NELL1: variants seen among roughly 807,000 people sequenced by gnomAD.
NELL1 encodes protein kinase C-binding protein NELL1.
NELL1 carries 76 observed loss-of-function variants against 107.4 expected under a neutral mutation model. The observed-to-expected ratio is 0.71, with a 90% CI of 0.59 to 0.86. The LOEUF (loss-of-function observed/expected upper bound fraction) is 0.86. Among genes scored for constraint, NELL1 ranks in the 40% least tolerant of loss-of-function variants. NELL1 has a pLI of 0.00. For missense variants in NELL1, 1,024 were observed against 1,005.5 expected (o/e 1.02, Z -0.25); for synonymous variants, 353 against 341.2 (o/e 1.03, Z -0.38).
rs183419081 is a variant in NELL1 at position 21,312,961 on chromosome 11, A to G, written c.1550-57892A>G. On this transcript the variant is annotated intron_variant, in intron 14 of 19. Transcript: ENST00000357134. Reference sequence around the variant, plus strand: ...GCAATAGTCTCCCACCTGTAATCCCAGCTACTTGGGAGGCTGAGGTGCAAG... The same window carrying G: ...GCAATAGTCTCCCACCTGTAATCCCGGCTACTTGGGAGGCTGAGGTGCAAG... 2.8e-3 allele frequency among the ~76,000 whole-genome samples: 423 copies of G among 152,176 alleles called. 6 individuals are homozygous for G. The highest frequency in any genetic ancestry group is 3.7e-4 in the Non-Finnish European group (25 of 68,012).
intron 15 of NELL1, among the ~76,000 whole-genome samples, chr11:21,416,600 CTTTACT>C (rs1165680543): frequency 6.6e-6 from 1 of 152,114 alleles, no homozygotes; most frequent in Non-Finnish European, 1.5e-5. Flanking sequence ...ACTACTTCCT[CTTTACT>C]TTTAATCTGG....
At chr11:21,233,903 A>G (rs1858130360) in intron 14 of NELL1, among the ~76,000 whole-genome samples, 1 of 152,234 alleles carries the variant, frequency 6.6e-6, no homozygotes, top group Non-Finnish European at 1.5e-5. Context: ...ACATTTATTT[A>G]TAAAACATAC....
At chr11:20,746,163 C>T (rs1855998092) in intron 2 of NELL1, among the ~76,000 whole-genome samples, 1 of 152,172 alleles carries the variant, frequency 6.6e-6, no homozygotes, top group African/African-American at 2.4e-5. Flanking sequence ...ACTGTGGTTG[C>T]AGATACTCCC....
chr11:21,044,542 A>G (rs1353611573), intron 12 of NELL1, among the ~76,000 whole-genome samples: 1 of 152,130 alleles, frequency 6.6e-6, no homozygotes, highest in Admixed American at 6.6e-5. Context: ...ATGTTTTAAG[A>G]TGAGCGATAC....
intron 3 of NELL1, among the ~76,000 whole-genome samples, chr11:20,815,681 G>T (rs1564920699): frequency 1.3e-5 from 2 of 152,066 alleles, no homozygotes; most frequent in African/African-American, 4.8e-5. Context: ...GTTAATTTTT[G>T]TTTTTGTTAC....
chr11:21,067,548 T>C (rs1300599500), intron 12 of NELL1, among the ~76,000 whole-genome samples: 1 of 152,102 alleles, frequency 6.6e-6, no homozygotes, highest in Non-Finnish European at 1.5e-5. Flanking sequence ...GAAAAACTAA[T>C]GAAGAAATTT....
chr11:20,829,586 A>G (rs996201946), intron 3 of NELL1, among the ~76,000 whole-genome samples: 2 of 151,876 alleles, frequency 1.3e-5, no homozygotes, highest in Non-Finnish European at 2.9e-5. Flanking sequence ...TTTTTTTTTA[A>G]TGAATATAGG....
chr11:21,192,685 C>G (rs897416799), intron 13 of NELL1, among the ~76,000 whole-genome samples: 3 of 151,728 alleles, frequency 2.0e-5, no homozygotes, highest in African/African-American at 7.3e-5. Flanking sequence ...TTCATGCTTC[C>G]TATGGAAATT....
At position 20,960,519 on chromosome 11, in the gene NELL1, G is replaced by A. The variant is rs778444442; in HGVS notation, c.1259G>A (p.Ser420Asn). 4 of 1,613,882 alleles carry A rather than the reference G, an allele frequency of 2.5e-6. No individual in the cohort carries two copies. The highest frequency in any genetic ancestry group is 2.2e-5 in the East Asian group (1 of 44,886). Residue 420 changes from serine (S) to asparagine (N), a missense_variant, in exon 12 of 20, where the codon AGT (serine) becomes AAT (asparagine). By Grantham distance (46) the Ser-to-Asn change is conservative (BLOSUM62 1). Coordinates refer to ENST00000357134, the MANE Select transcript of NELL1 (RefSeq NM_006157.5). Reference sequence around the variant, plus strand: ...ACAAAAGCTACTTGTGAGTGCAAGAGTGGTTACATCTCTGTCCAGGGAGAC... The same window carrying A: ...ACAAAAGCTACTTGTGAGTGCAAGAATGGTTACATCTCTGTCCAGGGAGAC... ...WNTKATCECK[S>N]GYISVQGDSA...
At chr11:21,442,782 T>C (rs1265123350) in intron 15 of NELL1, among the ~76,000 whole-genome samples, 1 of 151,964 alleles carries the variant, frequency 6.6e-6, no homozygotes, top group Non-Finnish European at 1.5e-5. Context: ...TTAACAATAA[T>C]ACAGCACCAT....
chr11:20,768,724 T>C (rs1420229430), intron 2 of NELL1, among the ~76,000 whole-genome samples: 2 of 152,252 alleles, frequency 1.3e-5, no homozygotes, highest in African/African-American at 4.8e-5. Context: ...TAAGATTCTA[T>C]GCTGCTTGTG....
At chr11:21,508,953 CAAAG>C (rs1187671621) in intron 15 of NELL1, among the ~76,000 whole-genome samples, 2 of 152,042 alleles carry the variant, frequency 1.3e-5, no homozygotes, top group African/African-American at 4.8e-5. Flanking sequence ...TTATGTCCCT[CAAAG>C]AAAACTGCTG....
intron 5 of NELL1, among the ~76,000 whole-genome samples, chr11:20,899,118 A>T (rs1046788248): frequency 3.9e-5 from 6 of 152,150 alleles, no homozygotes; most frequent in Non-Finnish European, 7.4e-5. Flanking sequence ...AAGCGTATGG[A>T]TTTAAACATA....
chr11:21,490,495 A>C (rs1854775699), intron 15 of NELL1, among the ~76,000 whole-genome samples: 1 of 150,074 alleles, frequency 6.7e-6, no homozygotes, highest in East Asian at 2.0e-4. Flanking sequence ...TAGCCAAAGC[A>C]ATCTTGAACA....
At chr11:21,563,636 T>C (rs1856902115) in intron 17 of NELL1, among the ~76,000 whole-genome samples, 1 of 152,050 alleles carries the variant, frequency 6.6e-6, no homozygotes, top group Admixed American at 6.6e-5. Context: ...AGGATATGCA[T>C]AGGTGGTTTG....
intron 12 of NELL1, among the ~76,000 whole-genome samples, chr11:20,997,680 A>G (rs1852122291): frequency 6.6e-6 from 1 of 152,228 alleles, no homozygotes; most frequent in African/African-American, 2.4e-5. Flanking sequence ...TCCCACGTAG[A>G]AAGTTTATTT....
chr11:20,683,230 T>C (rs950971098), intron 2 of NELL1, among the ~76,000 whole-genome samples: 11 of 152,128 alleles, frequency 7.2e-5, no homozygotes, highest in Admixed American at 6.6e-4. Flanking sequence ...CATTGTTATT[T>C]TTATTTAATG....
chr11:21,561,018 G>C (rs1403297388), intron 17 of NELL1, among the ~76,000 whole-genome samples: 1 of 151,874 alleles, frequency 6.6e-6, no homozygotes, highest in African/African-American at 2.4e-5. Flanking sequence ...TTGCAAAATG[G>C]GTCTATTAAA....
At chr11:21,386,890 C>T (rs532600055) in intron 15 of NELL1, among the ~76,000 whole-genome samples, 24 of 151,928 alleles carry the variant, frequency 1.6e-4, no homozygotes, top group African/African-American at 3.1e-4. Context: ...ACCATTTAAA[C>T]GACATAGCTC....
Sources: gnomAD v4.1 joint callset for allele counts (sites outside exome capture counted in the v4.1 genomes callset) on GRCh38, gnomAD v4.1.1 for gene constraint, MANE v1.5 for transcripts, NCBI Gene and HGNC (gene_info 2026-07-23, HGNC 2026-07-21) for gene names.